SOX5: variants seen among roughly 807,000 people sequenced by gnomAD.
SOX5 encodes the protein SRY-box transcription factor 5.
A neutral mutation model predicts 92.0 loss-of-function variants in SOX5; 9 were observed. The ratio of observed to expected loss-of-function variants is 0.10; its 90% confidence interval spans 0.06 to 0.17. The LOEUF is 0.17. Ranked by LOEUF, SOX5 falls within the 10% of genes least tolerant of loss-of-function variation. The pLI, the probability that SOX5 is intolerant of heterozygous loss-of-function variation, is 1.00. For synonymous variants in SOX5, 344 were observed against 336.3 expected (o/e 1.02, Z -0.25); for missense variants, 642 against 944.5 (o/e 0.68, Z 4.20).
chr12:23,605,875 C>T (rs1013623637), intron 8 of SOX5, among the ~76,000 whole-genome samples: 6 of 151,522 alleles, frequency 4.0e-5, no homozygotes, highest in African/African-American at 1.2e-4. Context: ...AAAATATATC[C>T]CAGAGAAAAC....
At chr12:24,000,332 G>C (rs1346542451) in intron 4 of SOX5, among the ~76,000 whole-genome samples, 3 of 151,654 alleles carry the variant, frequency 2.0e-5, no homozygotes, top group African/African-American at 7.3e-5. Context: ...GTTTTAACAG[G>C]TATAAGATTG....
intron 3 of SOX5, among the ~76,000 whole-genome samples, chr12:23,799,795 A>G (rs1345846273): frequency 1.3e-5 from 2 of 152,040 alleles, no homozygotes; most frequent in Non-Finnish European, 2.9e-5. Flanking sequence ...GATTAAGCAT[A>G]CCATATTACA....
At chr12:24,200,979 C>T (rs1249073280) in intron 4 of SOX5, among the ~76,000 whole-genome samples, 3 of 152,160 alleles carry the variant, frequency 2.0e-5, no homozygotes, top group Admixed American at 1.3e-4. Flanking sequence ...GGTACCAGAC[C>T]TGGGAACCAG....
intron 8 of SOX5, among the ~76,000 whole-genome samples, chr12:23,620,967 T>C (rs1329670703): frequency 1.3e-5 from 2 of 152,120 alleles, no homozygotes; most frequent in African/African-American, 2.4e-5. Flanking sequence ...TTAAACTTTT[T>C]CCCAAGAAGA....
intron 2 of SOX5, among the ~76,000 whole-genome samples, chr12:24,331,591 T>G (rs953051319): frequency 1.3e-5 from 2 of 152,080 alleles, no homozygotes; most frequent in African/African-American, 2.4e-5. Flanking sequence ...GGCTCACACC[T>G]GTAATCCCAG....
Position 23,776,160 on chromosome 12 carries a change from G to A in SOX5, c.482-20436C>T, listed in dbSNP as rs191042507. Reference sequence around the variant, plus strand: ...CAAAAAACTTTCAGAATTACAAATCGATGAACTTAGTGATAACATTTCCAT... The same window carrying A: ...CAAAAAACTTTCAGAATTACAAATCAATGAACTTAGTGATAACATTTCCAT... On this transcript the variant is annotated intron_variant, in intron 3 of 14. Transcript: ENST00000451604. Among the ~76,000 whole-genome samples, 567 of 152,202 alleles carry A rather than the reference G, an allele frequency of 3.7e-3. 3 individuals carry two copies. The highest frequency in any genetic ancestry group is 0.012 in the African/African-American group (509 of 41,536).
At chr12:24,154,043 C>T (rs529283587) in intron 4 of SOX5, among the ~76,000 whole-genome samples, 86 of 152,170 alleles carry the variant, frequency 5.7e-4, no homozygotes, top group South Asian at 1.2e-3. Flanking sequence ...CCAGGACCAG[C>T]GTCAGCACCA....
At chr12:24,351,040 A>G (rs1420442669) in intron 2 of SOX5, among the ~76,000 whole-genome samples, 1 of 152,184 alleles carries the variant, frequency 6.6e-6, no homozygotes, top group Admixed American at 6.5e-5. Context: ...CCTGGGCAAC[A>G]GAGCAAGAGC....
At chr12:23,889,228 C>A (rs771780993) in intron 2 of SOX5, among the ~76,000 whole-genome samples, 49 of 152,268 alleles carry the variant, frequency 3.2e-4, no homozygotes, top group Non-Finnish European at 5.4e-4. Context: ...TATAGCATCA[C>A]AATAACTTAT....
intron 3 of SOX5, among the ~76,000 whole-genome samples, chr12:24,235,199 C>CATTCAT (rs1964218350): frequency 6.6e-6 from 1 of 152,162 alleles, no homozygotes; most frequent in Admixed American, 6.6e-5. Context: ...AAGCTTCAGG[C>CATTCAT]ATTCATATAG....
At chr12:23,594,701 C>T (rs1286604864) in intron 9 of SOX5, among the ~76,000 whole-genome samples, 10 of 152,078 alleles carry the variant, frequency 6.6e-5, no homozygotes, top group Non-Finnish European at 2.9e-5. Context: ...AAGTCCTGAA[C>T]ATGAAAAAAT....
At chr12:24,446,650 G>C (rs1941523405) in intron 1 of SOX5, among the ~76,000 whole-genome samples, 1 of 152,150 alleles carries the variant, frequency 6.6e-6, no homozygotes, top group Non-Finnish European at 1.5e-5. Context: ...TGCAAGTGGG[G>C]GTGATTAGAA....
chr12:24,234,919 G>A (rs10743495), intron 3 of SOX5, among the ~76,000 whole-genome samples: 3 of 151,714 alleles, frequency 2.0e-5, no homozygotes, highest in Middle Eastern at 3.2e-3. Context: ...CCAAGATTGC[G>A]GCTAAACATC....
At chr12:23,996,847 C>A (rs938267082) in intron 4 of SOX5, among the ~76,000 whole-genome samples, 1 of 152,114 alleles carries the variant, frequency 6.6e-6, no homozygotes, top group African/African-American at 2.4e-5. Context: ...TGGCTGCTTA[C>A]TGAGTATGGA....
chr12:23,958,443 T>C (rs986232550), intron 4 of SOX5, among the ~76,000 whole-genome samples: 3 of 152,062 alleles, frequency 2.0e-5, no homozygotes, highest in Non-Finnish European at 4.4e-5. Context: ...GTCTGCTTCA[T>C]TAACAATTAT....
chr12:23,600,528 T>C (rs1187494409), intron 9 of SOX5, among the ~76,000 whole-genome samples: 1 of 105,574 alleles, frequency 9.5e-6, no homozygotes, highest in South Asian at 2.9e-4. Context: ...GGTGCATATA[T>C]ATATATATAT....
Position 23,979,698 on chromosome 12 carries a change from GTTTTTTTTGTTTTTTTTTTTT to G in SOX5, c.-1-83695_-1-83675del, listed in dbSNP as rs1238803977. ...TTCTTCCTTCCATATATATATATATGTTTTTTTTGTTTTTTTTTTTTTTTTTTTTTTTTTTTGGAGACAGGG... is the reference window on the plus strand; with the variant it reads ...TTCTTCCTTCCATATATATATATATGTTTTTTTTTTTTTTTGGAGACAGGG... On this transcript the variant is annotated intron_variant, in intron 4 of 4. Coordinates refer to the SOX5 transcript ENST00000446891. 3.2e-4 allele frequency among the ~76,000 whole-genome samples: 21 copies of G among 64,706 alleles called. 3 individuals carry two copies. Among genetic ancestry groups the G allele is most frequent in the East Asian group, 1.6e-3 (2 of 1,284 alleles). The allele number at this position is 64,706 out of a possible 152,430, so 42.4% of individuals were successfully genotyped here.
At chr12:24,056,369 A>G (rs1958101266) in intron 4 of SOX5, among the ~76,000 whole-genome samples, 1 of 152,240 alleles carries the variant, frequency 6.6e-6, no homozygotes, top group Non-Finnish European at 1.5e-5. Flanking sequence ...TTTCAACTCT[A>G]TTTAATCCTG....
rs756879598 is a variant in SOX5, at chr12:23,949,623, T to C, written c.-22A>G. On this transcript the variant is annotated 5_prime_UTR_variant, in exon 1 of 15. Coordinates refer to ENST00000451604, the MANE Select transcript of SOX5 (RefSeq NM_006940.6). Reference sequence around the variant, plus strand: ...GCATGCTGGAAAAGCACAATTTCCCTTTGTCACAGCAGCCACCTATGATCG... The same window carrying C: ...GCATGCTGGAAAAGCACAATTTCCCCTTGTCACAGCAGCCACCTATGATCG... The C allele has an allele frequency of 9.9e-6, 16 of 1,613,818 alleles. No individual in the cohort carries two copies. In the Admixed American group the frequency reaches 2.7e-4, roughly 27 times the overall value.
Sources: gnomAD v4.1 joint callset for allele counts (sites outside exome capture counted in the v4.1 genomes callset) on GRCh38, gnomAD v4.1.1 for gene constraint, MANE v1.5 for transcripts, NCBI Gene and HGNC (gene_info 2026-07-23, HGNC 2026-07-21) for gene names.